The following FALEC variants were observed in gnomAD, a reference collection of about 807,000 sequenced individuals.
FALEC encodes the protein focally amplified lncRNA on chromosome 1.
the FALEC span, among the ~76,000 whole-genome samples, chr1:150,525,079 G>A: frequency 1.3e-4 from 19 of 150,986 alleles, no homozygotes; most frequent in African/African-American, 4.6e-4. Context: ...GGCGGATCAC[G>A]AGGTCAGGAG....
chr1:150,527,664 A>G, the FALEC span, among the ~76,000 whole-genome samples: 7 of 152,080 alleles, frequency 4.6e-5, no homozygotes, highest in Non-Finnish European at 7.4e-5. Context: ...CATGGGGCCA[A>G]TATGGCGAAA....
chr1:150,522,328 G>A (rs1031022905), downstream of FALEC, among the ~76,000 whole-genome samples: 1 of 151,564 alleles, frequency 6.6e-6, no homozygotes, highest in African/African-American at 2.4e-5. Context: ...CAGCTTAGAA[G>A]TTGGTAGTGG....
downstream of FALEC, among the ~76,000 whole-genome samples, chr1:150,522,630 A>C (rs9326002): frequency 6.6e-6 from 1 of 150,668 alleles, no homozygotes; most frequent in South Asian, 2.1e-4. Context: ...CAAAAAAAAA[A>C]AAAAAACAAG....
At chr1:150,529,699 G>T in the FALEC span, among the ~76,000 whole-genome samples, 1 of 151,846 alleles carries the variant, frequency 6.6e-6, no homozygotes, top group Non-Finnish European at 1.5e-5. Context: ...CCGGGTTCAC[G>T]CCATTCTCCT....
At chr1:150,518,330 C>A (rs1670596505), downstream of FALEC, among the ~76,000 whole-genome samples, 1 of 151,394 alleles carries the variant, frequency 6.6e-6, no homozygotes, top group South Asian at 2.1e-4. Flanking sequence ...CTGGGAATAT[C>A]ATTCTTCAGT....
the FALEC span, among the ~76,000 whole-genome samples, chr1:150,534,173 C>T: frequency 6.6e-6 from 1 of 152,200 alleles, no homozygotes. Flanking sequence ...CATGCCTCAA[C>T]TCTGAGGAGC....
At chr1:150,530,511 C>T in the FALEC span, among the ~76,000 whole-genome samples, 2 of 152,144 alleles carry the variant, frequency 1.3e-5, no homozygotes, top group African/African-American at 4.8e-5. Flanking sequence ...TGCAGGGACT[C>T]TCTGAGGCCG....
chr1:150,519,193 T>G (rs979705682), downstream of FALEC, among the ~76,000 whole-genome samples: 1 of 152,172 alleles, frequency 6.6e-6, no homozygotes, highest in African/African-American at 2.4e-5. Flanking sequence ...CAGTGCTGCT[T>G]CCTGATGACG....
At chr1:150,533,680 A>G in the FALEC span, among the ~76,000 whole-genome samples, 1 of 151,430 alleles carries the variant, frequency 6.6e-6, no homozygotes, top group Non-Finnish European at 1.5e-5. Flanking sequence ...CAGGTGATCC[A>G]CCAGCCTCAT....
chr1:150,524,877 C>T, the FALEC span, among the ~76,000 whole-genome samples: 1 of 151,834 alleles, frequency 6.6e-6, no homozygotes, highest in Admixed American at 6.6e-5. Context: ...TGCCTGTAGT[C>T]CCAGCTACTC....
chr1:150,520,162 A>C (rs762103609), downstream of FALEC, among the ~76,000 whole-genome samples: 17 of 152,312 alleles, frequency 1.1e-4, no homozygotes, highest in African/African-American at 3.8e-4. Flanking sequence ...AAAATAAATA[A>C]ATAAACAAAT....
rs1464512941 is a variant in FALEC, at chr1:150,516,720, A to G, written n.306+658A>G. 2.0e-5 allele frequency among the ~76,000 whole-genome samples: 3 copies of G among 152,228 alleles called. No homozygotes were observed. The East Asian group carries it at 5.8e-4, about 29-fold the overall frequency. The stretch of plus-strand genomic sequence containing the variant: ...TATTGGAGAGGCCAGGGAAAGCTTC[A>G]CAGAATTCAAGCTTGAGTAGGGTTT... On this transcript the variant is annotated intron_variant and non_coding_transcript_variant, in intron 1 of 1. Coordinates refer to ENST00000416894, the Ensembl canonical transcript of FALEC.
downstream of FALEC, among the ~76,000 whole-genome samples, chr1:150,522,587 C>T (rs948772108): frequency 1.3e-5 from 2 of 150,146 alleles, no homozygotes; most frequent in Admixed American, 6.7e-5. Flanking sequence ...GGCGCCACTG[C>T]ACTCCAGCCT....
chr1:150,529,020 A>AAAAAAAAAAAAAAAAAAAAAAAAAT, the FALEC span, among the ~76,000 whole-genome samples: 1 of 146,448 alleles, frequency 6.8e-6, no homozygotes, highest in Non-Finnish European at 1.5e-5. Context: ...AAATAGCAAA[A>AAAAAAAAAAAAAAAAAAAAAAAAAT]AAAAAAAAAA....
chr1:150,521,786 C>T (rs950683721), downstream of FALEC, among the ~76,000 whole-genome samples: 1 of 152,154 alleles, frequency 6.6e-6, no homozygotes, highest in African/African-American at 2.4e-5. Flanking sequence ...CTATCTGTTC[C>T]TCCTTGCACA....
downstream of FALEC, among the ~76,000 whole-genome samples, chr1:150,522,974 TATATA>T (rs1243915966): frequency 2.0e-3 from 104 of 52,386 alleles, 14 homozygotes; most frequent in African/African-American, 5.8e-3. Context: ...TATATATATA[TATATA>T]TATATTTTTT....
the FALEC span, among the ~76,000 whole-genome samples, chr1:150,536,493 G>A: frequency 6.6e-6 from 1 of 152,152 alleles, no homozygotes; most frequent in Non-Finnish European, 1.5e-5. Flanking sequence ...GGGCAAGACG[G>A]TTTCTAAAGT....
chr1:150,535,837 C>T, the FALEC span, among the ~76,000 whole-genome samples: 1 of 152,198 alleles, frequency 6.6e-6, no homozygotes. Context: ...GGTCCAGCAA[C>T]TGGAGAACGA....
chr1:150,517,660 G>A (rs1170478684), intron 1 of FALEC: 1 of 152,310 alleles, frequency 6.6e-6, no homozygotes. Context: ...ACCTGGCAGA[G>A]GGCCCTCACC....
Sources: gnomAD v4.1 joint callset for allele counts (sites outside exome capture counted in the v4.1 genomes callset) on GRCh38, gnomAD v4.1.1 for gene constraint, MANE v1.5 for transcripts, NCBI Gene and HGNC (gene_info 2026-07-23, HGNC 2026-07-21) for gene names.